PTPRD: variants seen among roughly 807,000 people sequenced by gnomAD.
The protein encoded by PTPRD is protein tyrosine phosphatase receptor type D, also known as receptor-type tyrosine-protein phosphatase delta.
A neutral mutation model predicts 214.5 loss-of-function variants in PTPRD; 34 were observed. The ratio of observed to expected loss-of-function variants is 0.16; its 90% CI spans 0.12 to 0.21. The LOEUF is 0.21. Among genes scored for constraint, PTPRD ranks in the 10% least tolerant of loss-of-function variants. PTPRD has a pLI of 1.00. For missense variants in PTPRD, 2,545 were observed against 2,398.7 expected (o/e 1.06, Z -1.27); for synonymous variants, 1,128 against 845.7 (o/e 1.33, Z -5.79).
intron 12 of PTPRD, among the ~76,000 whole-genome samples, chr9:8,668,798 G>C (rs1034470644): frequency 6.6e-6 from 1 of 152,162 alleles, no homozygotes. Flanking sequence ...TCTCAAAATT[G>C]TGTCTACAAT....
intron 3 of PTPRD, among the ~76,000 whole-genome samples, chr9:10,092,988 C>T (rs1001003363): frequency 6.6e-6 from 1 of 151,504 alleles, no homozygotes; most frequent in African/African-American, 2.4e-5. Flanking sequence ...AAACTTCAAA[C>T]TGTAAAAATT....
intron 6 of PTPRD, among the ~76,000 whole-genome samples, chr9:9,750,005 G>C (rs1218356099): frequency 1.3e-5 from 2 of 152,100 alleles, no homozygotes; most frequent in Admixed American, 1.3e-4. Flanking sequence ...ATAACAAAGA[G>C]CTCTGGGGTT....
intron 7 of PTPRD, among the ~76,000 whole-genome samples, chr9:9,616,433 C>G (rs1192547845): frequency 6.6e-6 from 1 of 151,946 alleles, no homozygotes; most frequent in Non-Finnish European, 1.5e-5. Context: ...GACAATGCAT[C>G]TAGGATACGA....
At chr9:10,310,093 C>G (rs1162143741) in intron 3 of PTPRD, among the ~76,000 whole-genome samples, 1 of 152,024 alleles carries the variant, frequency 6.6e-6, no homozygotes, top group East Asian at 1.9e-4. Flanking sequence ...TAACCAATTA[C>G]TCTCTTTTTG....
intron 36 of PTPRD, among the ~76,000 whole-genome samples, chr9:8,397,104 A>G (rs1286498819): frequency 3.3e-5 from 5 of 152,146 alleles, no homozygotes; most frequent in Non-Finnish European, 5.9e-5. Flanking sequence ...AAATAATTGG[A>G]CAGGATTTAT....
intron 2 of PTPRD, among the ~76,000 whole-genome samples, chr9:10,394,157 T>G (rs1036717025): frequency 1.4e-5 from 2 of 145,070 alleles, no homozygotes; most frequent in Non-Finnish European, 3.0e-5. Context: ...TCTATATATA[T>G]AGATATATAT....
chr9:10,607,489 C>T (rs1465468220), intron 2 of PTPRD, among the ~76,000 whole-genome samples: 1 of 151,698 alleles, frequency 6.6e-6, no homozygotes, highest in Admixed American at 6.6e-5. Context: ...CATGCAAACA[C>T]AAAATAAAAT....
At chr9:9,833,447 C>T (rs1403360456) in intron 5 of PTPRD, among the ~76,000 whole-genome samples, 4 of 151,800 alleles carry the variant, frequency 2.6e-5, no homozygotes, top group Non-Finnish European at 4.4e-5. Context: ...CAAGTGGAGG[C>T]AGGGCGAGAT....
At chr9:8,649,203 G>A (rs2096755350) in intron 12 of PTPRD, among the ~76,000 whole-genome samples, 1 of 152,214 alleles carries the variant, frequency 6.6e-6, no homozygotes, top group Admixed American at 6.5e-5. Context: ...CTAGTGTGAT[G>A]AACTGTACTA....
intron 3 of PTPRD, among the ~76,000 whole-genome samples, chr9:10,231,273 A>C (rs912583536): frequency 6.6e-6 from 1 of 151,976 alleles, no homozygotes; most frequent in African/African-American, 2.4e-5. Flanking sequence ...AGGCAAAGAA[A>C]CAAAACTGAT....
intron 11 of PTPRD, among the ~76,000 whole-genome samples, chr9:8,948,868 G>C (rs1438608658): frequency 6.6e-6 from 1 of 151,662 alleles, no homozygotes; most frequent in Non-Finnish European, 1.5e-5. Context: ...GGCCACAGAA[G>C]ATTGACTAGA....
chr9:8,319,125 G>A (rs1395176242), intron 45 of PTPRD, among the ~76,000 whole-genome samples: 1 of 152,004 alleles, frequency 6.6e-6, no homozygotes, highest in Non-Finnish European at 1.5e-5. Context: ...CCAAACACTT[G>A]CACTACTTTG....
At chr9:10,607,671 C>A (rs1343799045) in intron 2 of PTPRD, among the ~76,000 whole-genome samples, 1 of 151,684 alleles carries the variant, frequency 6.6e-6, no homozygotes, top group Non-Finnish European at 1.5e-5. Context: ...AACAATTGGT[C>A]ATATTGATTT....
At chr9:9,245,750 C>A (rs1209711948) in intron 9 of PTPRD, among the ~76,000 whole-genome samples, 1 of 152,058 alleles carries the variant, frequency 6.6e-6, no homozygotes, top group Non-Finnish European at 1.5e-5. Context: ...GCACATGTAC[C>A]CTAAAACTAA....
chr9:8,765,565 C>A (rs1456295766), intron 11 of PTPRD, among the ~76,000 whole-genome samples: 1 of 152,184 alleles, frequency 6.6e-6, no homozygotes, highest in Non-Finnish European at 1.5e-5. Context: ...CCAATATTCC[C>A]CCAGCCTAGC....
intron 5 of PTPRD, among the ~76,000 whole-genome samples, chr9:9,903,021 G>T (rs1199576382): frequency 1.3e-5 from 2 of 151,918 alleles, no homozygotes; most frequent in South Asian, 4.1e-4. Context: ...GAAAAACATC[G>T]AAAATTCCAG....
intron 44 of PTPRD, among the ~76,000 whole-genome samples, chr9:8,325,175 A>G (rs969952295): frequency 3.3e-5 from 5 of 149,600 alleles, no homozygotes; most frequent in African/African-American, 1.2e-4. Context: ...CTTTGTGTAT[A>G]CCTATGTCCT....
chr9:8,990,244 A>C (rs1226548384), intron 11 of PTPRD, among the ~76,000 whole-genome samples: 1 of 152,156 alleles, frequency 6.6e-6, no homozygotes, highest in Non-Finnish European at 1.5e-5. Context: ...ATTGCAACAC[A>C]CTAAAGGAGC....
chr9:10,389,811 T>G (rs2098017502), intron 2 of PTPRD, among the ~76,000 whole-genome samples: 1 of 151,870 alleles, frequency 6.6e-6, no homozygotes, highest in Non-Finnish European at 1.5e-5. Context: ...CATGTAATTT[T>G]AAATTTTTAG....
Sources: allele counts gnomAD v4.1 joint callset (sites outside exome capture counted in the v4.1 genomes callset), GRCh38; gene constraint gnomAD v4.1.1; transcripts MANE v1.5; gene names NCBI Gene and HGNC (gene_info 2026-07-23, HGNC 2026-07-21).